Variants in AFF3 observed in about 807,000 individuals in gnomAD.
AFF3 encodes AF4/FMR2 family member 3.
Under a neutral mutation model 129.7 loss-of-function variants are expected in AFF3, and 32 were observed. That is an observed-to-expected ratio of 0.25 (90% confidence interval 0.19 to 0.33). The LOEUF (loss-of-function observed/expected upper bound fraction) is 0.33, where lower values mean the gene tolerates loss of function less well. AFF3 is among the 10% of genes least tolerant of loss of function. AFF3 has a pLI of 1.00. For synonymous variants in AFF3, 644 were observed against 635.4 expected, an observed-to-expected ratio of 1.01 and a Z score of -0.20; for missense variants, 1,373 against 1,592.0, an observed-to-expected ratio of 0.86 and a Z score of 2.34.
intron 7 of AFF3, among the ~76,000 whole-genome samples, chr2:99,860,307 A>C (rs1320265410): frequency 2.0e-5 from 3 of 152,030 alleles, no homozygotes; most frequent in Non-Finnish European, 4.4e-5. Flanking sequence ...TAATCCCAGC[A>C]CTCTGGGAGG....
At chr2:99,660,842 G>T (rs2104305896) in intron 12 of AFF3, among the ~76,000 whole-genome samples, 1 of 152,276 alleles carries the variant, frequency 6.6e-6, no homozygotes, top group South Asian at 2.1e-4. Context: ...TGGTGGGGAT[G>T]GAATTGGGAA....
At chr2:99,914,637 C>T (rs185911151) in intron 7 of AFF3, among the ~76,000 whole-genome samples, 2 of 152,170 alleles carry the variant, frequency 1.3e-5, no homozygotes, top group East Asian at 1.9e-4. Flanking sequence ...TCATGCTGGC[C>T]GTGTGCAGTG....
intron 7 of AFF3, among the ~76,000 whole-genome samples, chr2:99,847,133 T>G (rs1368406296): frequency 6.6e-6 from 1 of 152,100 alleles, no homozygotes; most frequent in African/African-American, 2.4e-5. Context: ...TATTTTTAAA[T>G]CGATCTACCT....
At chr2:99,625,651 A>G (rs1174351203) in intron 13 of AFF3, among the ~76,000 whole-genome samples, 1 of 152,208 alleles carries the variant, frequency 6.6e-6, no homozygotes. Flanking sequence ...ATTATAATTA[A>G]TCACAGAAGG....
At chr2:99,724,672 G>C (rs1679212559) in intron 11 of AFF3, among the ~76,000 whole-genome samples, 1 of 152,136 alleles carries the variant, frequency 6.6e-6, no homozygotes, top group African/African-American at 2.4e-5. Flanking sequence ...CTGCACATAA[G>C]AATGTAAAAT....
At chr2:99,700,237 C>T (rs1014660351) in intron 11 of AFF3, among the ~76,000 whole-genome samples, 5 of 152,168 alleles carry the variant, frequency 3.3e-5, no homozygotes, top group Non-Finnish European at 7.3e-5. Context: ...TCTCCTGCCT[C>T]AGCCTCCCAA....
chr2:99,692,349 C>T (rs1675753168), intron 11 of AFF3, among the ~76,000 whole-genome samples: 2 of 152,230 alleles, frequency 1.3e-5, no homozygotes, highest in African/African-American at 4.8e-5. Flanking sequence ...ATTCTGCTCT[C>T]CCCCTTCTTC....
At chr2:99,781,321 C>A (rs1344205719) in intron 8 of AFF3, among the ~76,000 whole-genome samples, 2 of 152,162 alleles carry the variant, frequency 1.3e-5, no homozygotes, top group South Asian at 4.1e-4. Context: ...CCTCACCTTG[C>A]CTTATTTTTC....
chr2:99,616,155 A>G (rs904806805), intron 13 of AFF3, among the ~76,000 whole-genome samples: 1 of 152,160 alleles, frequency 6.6e-6, no homozygotes, highest in Non-Finnish European at 1.5e-5. Flanking sequence ...AAGCAATGGG[A>G]GCGTTTTAAG....
intron 16 of AFF3, among the ~76,000 whole-genome samples, chr2:99,583,892 G>A (rs1334450873): frequency 4.0e-5 from 6 of 150,282 alleles, no homozygotes; most frequent in East Asian, 2.0e-4. Flanking sequence ...TAGTAGAGAC[G>A]GGGTTTCACC....
chr2:100,119,757 G>GCA (rs1691875951), intron 2 of AFF3, among the ~76,000 whole-genome samples: 1 of 152,194 alleles, frequency 6.6e-6, no homozygotes, highest in Admixed American at 6.5e-5. Flanking sequence ...CCTCAAGCCA[G>GCA]CAACAGTGTT....
In AFF3 at chr2:99,976,719, A is replaced by G. The variant is rs145941613; in HGVS notation, c.873+29913T>C. Among the ~76,000 whole-genome samples the G allele has an allele frequency of 2.6e-3, 391 of 152,290 alleles. 2 individuals carry two copies. The highest frequency in any genetic ancestry group is 8.5e-3 in the African/African-American group (354 of 41,558). On this transcript the variant is annotated intron_variant, in intron 7 of 24. Transcript: ENST00000672756. Reference sequence around the variant, plus strand: ...TTCTGCAGTAATGAAAATTTAATATAAAACCTTTAATTTCATTTCAGGTAG... The same window carrying G: ...TTCTGCAGTAATGAAAATTTAATATGAAACCTTTAATTTCATTTCAGGTAG...
intron 7 of AFF3, among the ~76,000 whole-genome samples, chr2:99,972,901 C>A (rs186861608): frequency 6.6e-6 from 1 of 152,162 alleles, no homozygotes; most frequent in Non-Finnish European, 1.5e-5. Flanking sequence ...AGGTACGCTG[C>A]GTTGCTTTCT....
At chr2:99,847,970 C>T (rs1326303112) in intron 7 of AFF3, among the ~76,000 whole-genome samples, 2 of 152,076 alleles carry the variant, frequency 1.3e-5, no homozygotes, top group African/African-American at 4.8e-5. Flanking sequence ...TTGTACAAAA[C>T]AAAAGGGTCA....
At chr2:99,577,840 A>G (rs1471704247) in intron 18 of AFF3, among the ~76,000 whole-genome samples, 1 of 152,230 alleles carries the variant, frequency 6.6e-6, no homozygotes, top group Non-Finnish European at 1.5e-5. Flanking sequence ...TGAAAGTGCT[A>G]GAATTGGGTG....
At chr2:99,958,100 A>C (rs186970974) in intron 7 of AFF3, among the ~76,000 whole-genome samples, 1 of 152,310 alleles carries the variant, frequency 6.6e-6, no homozygotes, top group Admixed American at 6.5e-5. Flanking sequence ...CACGATCCAA[A>C]CAAGACCGAA....
intron 11 of AFF3, among the ~76,000 whole-genome samples, chr2:99,688,749 C>A (rs955949008): frequency 2.0e-5 from 3 of 152,160 alleles, no homozygotes; most frequent in Admixed American, 1.3e-4. Flanking sequence ...ATGACTGCTT[C>A]CTCCAAGTGC....
intron 7 of AFF3, among the ~76,000 whole-genome samples, chr2:99,839,787 T>A (rs1689179213): frequency 6.6e-6 from 1 of 151,960 alleles, no homozygotes; most frequent in African/African-American, 2.4e-5. Context: ...AATTTTTTTA[T>A]TTTTAGTAGA....
At chr2:99,648,917 A>ACACACACTCTCTCTCT in intron 13 of AFF3, among the ~76,000 whole-genome samples, 1,151 of 46,714 alleles carry the variant, frequency 0.025, 31 homozygotes, top group South Asian at 0.11. Flanking sequence ...ACACACACAC[A>ACACACACTCTCTCTCT]CTCTCTCTCT....
Sources: gnomAD v4.1 joint callset for allele counts (sites outside exome capture counted in the v4.1 genomes callset) on GRCh38, gnomAD v4.1.1 for gene constraint, MANE v1.5 for transcripts, NCBI Gene and HGNC (gene_info 2026-07-23, HGNC 2026-07-21) for gene names.